The following PRX variants were observed in gnomAD, a reference collection of about 807,000 sequenced individuals.
PRX encodes the protein periaxin.
In PRX, 24 loss-of-function variants were observed where a neutral mutation model predicts 29.6. The ratio of observed to expected loss-of-function variants is 0.81; its 90% confidence interval spans 0.59 to 1.14. The LOEUF is 1.14. Ranked by LOEUF, PRX falls within the 50% of genes most tolerant of loss-of-function variation. PRX has a pLI of 0.00. For missense variants in PRX, 1,838 were observed against 1,926.4 expected (o/e 0.95, Z 0.86); for synonymous variants, 772 against 831.7 (o/e 0.93, Z 1.24).
In PRX at chr19:40,397,936, T is replaced by C; in HGVS notation, c.416A>G (p.Lys139Arg). ...IQSLSPVKKK[K>R]MVPGALGVPA... ...GACCCCCAGAGCCCCAGGCACCATC[T>C]TCTTCTTCTTCACAGGGGACAGACT... is the stretch of plus-strand genomic sequence containing the variant. Residue 139 changes from lysine (K) to arginine (R), a missense_variant, in exon 7 of 7, where the codon AAG becomes AGG. By Grantham distance (26) the Lys-to-Arg change is conservative. This residue lies in a region of PRX where 666 missense variants were observed against 665.0 expected (regional missense o/e 1.00). Coordinates refer to ENST00000324001, the MANE Select transcript of PRX (RefSeq NM_181882.3). 1 of 1,609,846 alleles carries C rather than the reference T, an allele frequency of 6.2e-7. No homozygotes were observed. The highest frequency in any genetic ancestry group is 8.5e-7 in the Non-Finnish European group (1 of 1,177,774).
At position 40,398,004 on chromosome 19, in the gene PRX, G is replaced by C. The variant is rs768358240; in HGVS notation, c.382-34C>G. The stretch of plus-strand genomic sequence containing the variant: ...AGAGGAGAGAGGCAGGAGGCGGTGG[G>C]ACAGTGGGAGGCTGGGAGTGGACAG... On this transcript the variant is annotated intron_variant, in intron 6 of 6. Coordinates refer to ENST00000324001, the MANE Select transcript of PRX (RefSeq NM_181882.3). This position sits in a 1 kb window ranked among gnomAD's most constrained non-coding sequence, Gnocchi z 6.3. The C allele has an allele frequency of 3.3e-5, 53 of 1,585,886 alleles. No individual in the cohort carries two copies. Among genetic ancestry groups the C allele is most frequent in the Non-Finnish European group, 4.5e-5 (52 of 1,165,706 alleles).
intron 1 of PRX, among the ~76,000 whole-genome samples, chr19:40,409,453 A>G (rs1330852535): frequency 5.9e-5 from 8 of 135,098 alleles, no homozygotes; most frequent in African/African-American, 2.1e-4. Flanking sequence ...AATACTTGCT[A>G]TTATTATTAT....
chr19:40,411,364 G>A (rs1346810349), intron 1 of PRX, among the ~76,000 whole-genome samples: 1 of 152,222 alleles, frequency 6.6e-6, no homozygotes, highest in Non-Finnish European at 1.5e-5. Context: ...ACAGAGTCGA[G>A]ACTTGAGCCC....
rs778158201 is a variant in PRX, at chr19:40,398,577, C to A, written c.381+43G>T. The A allele has an allele frequency of 1.2e-6, 2 of 1,608,598 alleles. No individual in the cohort carries two copies. Among genetic ancestry groups the A allele is most frequent in the Non-Finnish European group, 1.7e-6 (2 of 1,178,076 alleles). On this transcript the variant is annotated intron_variant, in intron 6 of 6. Coordinates refer to ENST00000324001, the MANE Select transcript of PRX (RefSeq NM_181882.3). This position sits in a 1 kb window ranked among gnomAD's most constrained non-coding sequence, Gnocchi z 6.3. ...GGGGCTCACGGCGCAGAGACCGGAT[C>A]GCTGGGGCAGTCCAGGGCCGGGGCC...
At position 40,395,424 on chromosome 19, in the gene PRX, C is replaced by T. The variant is rs879940695; in HGVS notation, c.2928G>A (p.Glu976=). 1.2e-6 allele frequency: 2 copies of T among 1,614,032 alleles called. No individual in the cohort carries two copies. Among genetic ancestry groups the T allele is most frequent in the East Asian group, 2.2e-5 (1 of 44,852 alleles). The change falls in exon 7 of 7, where the codon GAG becomes GAA. Residue 976 remains glutamate (E), a synonymous_variant. Transcript: ENST00000324001. ...LPKARVGAEA[E]AKGAGEAGLL... is the part of the protein sequence containing the mutation. The stretch of plus-strand genomic sequence containing the variant: ...GGCCTGCCTCCCCAGCCCCTTTGGC[C>T]TCAGCCTCAGCCCCCACCCGAGCCT...
rs1195652956 is a variant in PRX, at chr19:40,395,617, T to G, written c.2735A>C (p.Glu912Ala). 1 of 1,614,044 alleles carries G rather than the reference T, an allele frequency of 6.2e-7. No individual in the cohort carries two copies. Among genetic ancestry groups the G allele is most frequent in the Non-Finnish European group, 8.5e-7 (1 of 1,180,032 alleles). ...EIVTPQLPAVEIEEGRLEMIE... is the reference protein window; with the variant it reads ...EIVTPQLPAVAIEEGRLEMIE... ...CATCTCCAGCCGCCCTTCCTCAATT[T>G]CCACGGCGGGCAGCTGTGGGGTGAC... Residue 912 changes from glutamate (E) to alanine (A), a missense_variant, in exon 7 of 7, where the codon GAA becomes GCA. Transcript: ENST00000324001.
intron 4 of PRX, among the ~76,000 whole-genome samples, chr19:40,405,626 CTTTTTTTTTTTTTTTTTT>C (rs1167458782): frequency 6.7e-5 from 5 of 74,400 alleles, no homozygotes; most frequent in Admixed American, 4.9e-4. Context: ...TGCAGAATCT[CTTTTTTTTTTTTTTTTTT>C]TTTTTTTTTT....
At chr19:40,412,161 G>A (rs1394143279) in intron 1 of PRX, among the ~76,000 whole-genome samples, 1 of 152,218 alleles carries the variant, frequency 6.6e-6, no homozygotes, top group African/African-American at 2.4e-5. Context: ...TGCCTGCTCA[G>A]AGCCTCAGCT....
intron 1 of PRX, among the ~76,000 whole-genome samples, chr19:40,411,479 G>A (rs980776706): frequency 4.6e-5 from 7 of 152,254 alleles, no homozygotes; most frequent in Middle Eastern, 3.4e-3. Flanking sequence ...TAGTAGAGGG[G>A]GTCTCCTGGG....
chr19:40,396,599 T>C lies in PRX; in HGVS notation c.1753A>G (p.Met585Val), dbSNP rs749264690. 2 of 1,613,412 alleles carry C rather than the reference T, an allele frequency of 1.2e-6. No homozygotes were observed. The highest frequency in any genetic ancestry group is 1.3e-5 in the African/African-American group (1 of 74,644). Reference protein sequence around the residue: ...PKVPEMKVPEMKLPKVPEMKL... With the variant: ...PKVPEMKVPEVKLPKVPEMKL... ...ATCTCAGGCACCTTTGGAAGCTTCA[T>C]CTCAGGGACTTTCATCTCTGGCACT... The change falls in exon 7 of 7, where the codon ATG becomes GTG. Residue 585 changes from methionine (M) to valine (V), a missense_variant. By Grantham distance (21) the Met-to-Val change is conservative (BLOSUM62 1). Around this residue, in one of 3 missense-constraint regions of PRX, gnomAD observed 1,143 missense variants for 1,193.0 expected, o/e 0.96. Transcript: ENST00000324001.
In PRX at chr19:40,395,688, T is replaced by G; in HGVS notation, c.2664A>C (p.Ala888=). The stretch of plus-strand genomic sequence containing the variant: ...GGAAGCCCACTTCCCTGACCCCTGC[T>G]GCCACCTCAGGGCCCTCCACCCGCT... ...KGERVEGPEV[A]AGVREVGFRV... is the part of the protein sequence containing the mutation. Residue 888 remains alanine, a synonymous_variant, in exon 7 of 7, where the codon GCA becomes GCC. Coordinates refer to ENST00000324001, the MANE Select transcript of PRX (RefSeq NM_181882.3). The G allele has an allele frequency of 6.2e-7, 1 of 1,614,130 alleles. No individual in the cohort carries two copies. Among genetic ancestry groups the G allele is most frequent in the Non-Finnish European group, 8.5e-7 (1 of 1,179,980 alleles).
chr19:40,396,971 G>GA lies in PRX; in HGVS notation c.1380dup (p.Pro461SerfsTer124). On this transcript the variant is annotated frameshift_variant, in exon 7 of 7. Coordinates refer to ENST00000324001, the MANE Select transcript of PRX (RefSeq NM_181882.3). LOFTEE classifies it low-confidence loss of function (END_TRUNC). ...TCCACCTCTGGGAGTCGAACCTCTG[G>GA]AAGGGCTGCCTCGGGCACTTTTGGA... 2 of 1,614,172 alleles carry GA rather than the reference G, an allele frequency of 1.2e-6. No individual in the cohort carries two copies. The highest frequency in any genetic ancestry group is 1.7e-6 in the Non-Finnish European group (2 of 1,180,028).
At position 40,398,742 on chromosome 19, in the gene PRX, C is replaced by A. The variant is rs1274747511; in HGVS notation, c.259G>T (p.Ala87Ser). The A allele has an allele frequency of 6.2e-7, 1 of 1,614,058 alleles. No homozygotes were observed. The highest frequency in any genetic ancestry group is 1.1e-5 in the South Asian group (1 of 91,078). The part of the protein sequence containing the change: ...YEDALRLLQC[A>S]EPYKVSFCLK... ...CAGAAGGAGACTTTGTAAGGCTCGG[C>A]GCATTGCAGCAGGCGTAGTGCGTCC... The change falls in exon 6 of 7, where the codon GCC (alanine) becomes TCC (serine). Residue 87 changes from alanine to serine, a missense_variant. Around this residue, in one of 3 missense-constraint regions of PRX, gnomAD observed 666 missense variants for 665.0 expected, o/e 1.00. Transcript: ENST00000324001. The surrounding 1 kb of genome is among the most constrained non-coding windows in gnomAD (Gnocchi z 6.3).
Position 40,398,072 on chromosome 19 carries a change from G to A in PRX, c.382-102C>T. The A allele has an allele frequency of 6.8e-7, 1 of 1,468,808 alleles. No individual in the cohort carries two copies. The highest frequency in any genetic ancestry group is 9.0e-7 in the Non-Finnish European group (1 of 1,109,504). The allele number at this position is 1,468,808 out of a possible 1,614,324, so 91.0% of individuals were successfully genotyped here. On this transcript the variant is annotated intron_variant, in intron 6 of 6. Transcript: ENST00000324001. The surrounding 1 kb of genome is among the most constrained non-coding windows in gnomAD (Gnocchi z 6.3). ...ATTGGACCAGGCGGGGGATGTGCTG[G>A]GTCAAGTATCTTGTTCCCCAAACAT...
chr19:40,405,795 C>T (rs1486505353), intron 4 of PRX, among the ~76,000 whole-genome samples: 6 of 151,554 alleles, frequency 4.0e-5, no homozygotes, highest in Non-Finnish European at 8.8e-5. Flanking sequence ...CACGCCACCA[C>T]GCCCAGCTAA....
rs527668884 is a variant in PRX, at chr19:40,399,838, C to T, written c.185-1022G>A. ...ATATTACAGGCGTGAGCCACTACACCCAGCTTTCTTTCCTTTCTTTCTTTC... is the reference window on the plus strand; with the variant it reads ...ATATTACAGGCGTGAGCCACTACACTCAGCTTTCTTTCCTTTCTTTCTTTC... On this transcript the variant is annotated intron_variant, in intron 5 of 6. Coordinates refer to ENST00000324001, the MANE Select transcript of PRX (RefSeq NM_181882.3). 2.3e-4 allele frequency among the ~76,000 whole-genome samples: 35 copies of T among 150,380 alleles called. No homozygotes were observed. In the South Asian group the frequency reaches 6.6e-3, roughly 28 times the overall value.
At position 40,396,602 on chromosome 19, in the gene PRX, CAG is replaced by C. The variant is rs1487660374; in HGVS notation, c.1748_1749del (p.Pro583ArgfsTer9). 6.2e-7 allele frequency: 1 copy of C among 1,613,726 alleles called. No individual in the cohort carries two copies. Among genetic ancestry groups the C allele is most frequent in the East Asian group, 2.2e-5 (1 of 44,854 alleles). ...QLPKVPEMKVPEMKLPKVPEM... is the reference protein window; with the variant it reads ...QLPKVPEMKVXEMKLPKVPEM... ...TCAGGCACCTTTGGAAGCTTCATCT[CAG>C]GGACTTTCATCTCTGGCACTTTCGG... is the stretch of plus-strand genomic sequence containing the variant. On this transcript the variant is annotated frameshift_variant, in exon 7 of 7. Transcript: ENST00000324001. LOFTEE classifies it low-confidence loss of function (END_TRUNC).
chr19:40,394,002 C>T lies in PRX; in HGVS notation c.4350G>A (p.Pro1450=), dbSNP rs768051108. The change falls in exon 7 of 7, where the codon CCG becomes CCA. Residue 1450 remains proline (P), a synonymous_variant. Coordinates refer to ENST00000324001, the MANE Select transcript of PRX (RefSeq NM_181882.3). This position sits in a 1 kb window ranked among gnomAD's most constrained non-coding sequence, Gnocchi z 5.8. ...CAGCCTGAGCCCCCTCCATCCTGGC[C>T]GGGCCTGGAGCCCCTGTCTCTGAAA... ...VGFSETGAPG[P]ARMEGAQAAA... The T allele has an allele frequency of 2.0e-5, 32 of 1,613,376 alleles. No homozygotes were observed. The highest frequency in any genetic ancestry group is 1.1e-4 in the East Asian group (5 of 44,896).
At position 40,394,120 on chromosome 19, in the gene PRX, C is replaced by T. The variant is rs1005254872; in HGVS notation, c.4232G>A (p.Arg1411His). 5 of 1,604,956 alleles carry T rather than the reference C, an allele frequency of 3.1e-6. No homozygotes were observed. The African/African-American group carries it at 4.0e-5, about 13-fold the overall frequency. The change falls in exon 7 of 7, where the codon CGC becomes CAC. Residue 1411 changes from arginine (R) to histidine (H), a missense_variant. Coordinates refer to ENST00000324001, the MANE Select transcript of PRX (RefSeq NM_181882.3). The surrounding 1 kb of genome is among the most constrained non-coding windows in gnomAD (Gnocchi z 5.8). ...SPVREKSPKF[R>H]FPRVSLSPKA... Reference sequence around the variant, plus strand: ...GGGGCTTAGGGACACCCTGGGGAAGCGGAACTTGGGTGACTTCTCTCTGAC... The same window carrying T: ...GGGGCTTAGGGACACCCTGGGGAAGTGGAACTTGGGTGACTTCTCTCTGAC...
Sources: gnomAD v4.1 joint callset for allele counts (sites outside exome capture counted in the v4.1 genomes callset) on GRCh38, gnomAD v4.1.1 for gene constraint, gnomAD v4.1.1 regional missense constraint, Gnocchi (gnomAD v3.1) non-coding constraint, MANE v1.5 for transcripts, NCBI Gene and HGNC (gene_info 2026-07-23, HGNC 2026-07-21) for gene names.